Variants in PTCHD1 observed in about 807,000 individuals in gnomAD.
The protein encoded by PTCHD1 is patched domain containing 1.
Under a neutral mutation model 34.6 loss-of-function variants are expected in PTCHD1, and 3 were observed. The observed-to-expected ratio is 0.09, with a 90% CI of 0.04 to 0.22. The LOEUF (loss-of-function observed/expected upper bound fraction) is 0.22, where lower values mean the gene tolerates loss of function less well. Among genes scored for constraint, PTCHD1 ranks in the 10% least tolerant of loss-of-function variants. The pLI, the probability that PTCHD1 is intolerant of heterozygous loss-of-function variation, is 1.00. For missense variants in PTCHD1, 504 were observed against 685.5 expected (o/e 0.74, Z 2.96); for synonymous variants, 305 against 283.1 (o/e 1.08, Z -0.77).
rs539740752 is a variant in PTCHD1, at chrX:23,381,329, G to A, written c.1012+1078G>A. Among the ~76,000 whole-genome samples, 8 of 112,501 alleles carry A rather than the reference G, an allele frequency of 7.1e-5. No individual in the cohort carries two copies. The East Asian group carries it at 1.4e-3, about 20-fold the overall frequency. On this transcript the variant is annotated intron_variant, in intron 2 of 2. Coordinates refer to ENST00000379361, the MANE Select transcript of PTCHD1 (RefSeq NM_173495.3). ...AATGGCATGCCCAGCAAGCCTGATG[G>A]CAGGGTTCTTGCGGGCCAAGGATTC...
rs1167274158 is a variant in PTCHD1 at position 23,400,253 on chromosome X, C to CG, written c.*6071dup. 2 of 111,754 alleles carry CG rather than the reference C, an allele frequency of 1.8e-5. No homozygotes were observed. The highest frequency in any genetic ancestry group is 6.5e-5 in the African/African-American group (2 of 30,611). The allele number at this position is 111,754 out of a possible 1,213,427, so 9.2% of individuals were successfully genotyped here. ...ATCCCAGCACTTTGGGAGGCGGAGG[C>CG]GGGCAGATCACGAGGTTAAGAGATT... On this transcript the variant is annotated 3_prime_UTR_variant, in exon 3 of 3. Transcript: ENST00000379361.
intron 1 of PTCHD1, among the ~76,000 whole-genome samples, chrX:23,369,519 G>C (rs1285499938): frequency 9.0e-6 from 1 of 111,488 alleles, no homozygotes; most frequent in Non-Finnish European, 1.9e-5. Context: ...TTGTGGCCAT[G>C]GACAAGTTAT....
At chrX:23,364,288 T>A (rs1477529072) in intron 1 of PTCHD1, among the ~76,000 whole-genome samples, 1 of 110,219 alleles carries the variant, frequency 9.1e-6, no homozygotes, top group Non-Finnish European at 1.9e-5. Context: ...TATGTGTATC[T>A]ATATATAAAA....
At chrX:23,363,851 A>G (rs1922061108) in intron 1 of PTCHD1, among the ~76,000 whole-genome samples, 1 of 112,774 alleles carries the variant, frequency 8.9e-6, no homozygotes, top group Non-Finnish European at 1.9e-5. Flanking sequence ...ACCACTATGT[A>G]CACCTGAGAG....
chrX:23,381,884 G>A (rs2146643589), intron 2 of PTCHD1, among the ~76,000 whole-genome samples: 1 of 112,143 alleles, frequency 8.9e-6, no homozygotes, highest in South Asian at 3.7e-4. Context: ...TCCTTGAAGA[G>A]TGAGTAGGAC....
In PTCHD1 at chrX:23,399,871, C is replaced by T. The variant is rs1923077289; in HGVS notation, c.*5686C>T. 9.0e-6 allele frequency: 1 copy of T among 111,464 alleles called. No homozygotes were observed. Among genetic ancestry groups the T allele is most frequent in the African/African-American group, 3.3e-5 (1 of 30,653 alleles). 9.2% of individuals were successfully genotyped at this position (111,464 alleles called of 1,213,427 possible). A position where few individuals can be genotyped will look rare whatever the true frequency, so the allele number is the denominator to read the frequency against. On this transcript the variant is annotated 3_prime_UTR_variant, in exon 3 of 3. Coordinates refer to ENST00000379361, the MANE Select transcript of PTCHD1 (RefSeq NM_173495.3). Reference sequence around the variant, plus strand: ...TATATAGCCTCAAATTTTCAGTAACCATCCCACACACACATACACACATAA... The same window carrying T: ...TATATAGCCTCAAATTTTCAGTAACTATCCCACACACACATACACACATAA...
At chrX:23,334,845 C>A (rs1483225390), upstream of PTCHD1, 1 of 1,056,492 alleles carries the variant, frequency 9.5e-7, no homozygotes. Flanking sequence ...GCGTGCGCCT[C>A]GCCCTCCTCC....
intron 1 of PTCHD1, among the ~76,000 whole-genome samples, chrX:23,371,644 G>T (rs1387452548): frequency 9.0e-6 from 1 of 110,916 alleles, no homozygotes; most frequent in Admixed American, 9.6e-5. Flanking sequence ...GCAGGGCCCA[G>T]CTGTGTTATG....
At chrX:23,338,442 A>T (rs769144218) in intron 1 of PTCHD1, among the ~76,000 whole-genome samples, 2 of 112,409 alleles carry the variant, frequency 1.8e-5, no homozygotes, top group South Asian at 7.5e-4. Context: ...TTGATAATTG[A>T]TCCAGGCTGT....
At chrX:23,351,350 C>T (rs767041219) in intron 1 of PTCHD1, 38 of 811,443 alleles carry the variant, frequency 4.7e-5, no homozygotes, top group Admixed American at 1.6e-4. Context: ...GCCCAGATGA[C>T]ACCAAGCCTA....
Position 23,394,152 on chromosome X carries a change from T to TA in PTCHD1, c.2635dup (p.Thr879AsnfsTer5). 8.3e-7 allele frequency: 1 copy of TA among 1,207,307 alleles called. No individual in the cohort carries two copies. Among genetic ancestry groups the TA allele is most frequent in the Non-Finnish European group, 1.1e-6 (1 of 892,124 alleles). ...GTGTAGAAATGGTAGATATCGATAG[T>TA]ACCCGTGTGGTTGACCAAATTACAA... On this transcript the variant is annotated frameshift_variant, in exon 3 of 3. Coordinates refer to ENST00000379361, the MANE Select transcript of PTCHD1 (RefSeq NM_173495.3). LOFTEE classifies it high-confidence loss of function.
rs142123920 is a variant in PTCHD1 at position 23,354,496 on chromosome X, AATATATAT to A, written c.351+19288_351+19295del. Among the ~76,000 whole-genome samples the A allele has an allele frequency of 1.8e-3, 177 of 95,776 alleles. 1 individual carries two copies. Among genetic ancestry groups the A allele is most frequent in the Admixed American group, 3.1e-3 (27 of 8,681 alleles). 83.2% of individuals were successfully genotyped at this position (95,776 alleles called of 115,157 possible). A position where few individuals can be genotyped will look rare whatever the true frequency, so the allele number is the denominator to read the frequency against. ...TCAATCCCAAAATTTGAAGTACACA[AATATATAT>A]ATATATATATATATATAAAGAAATC... is the stretch of plus-strand genomic sequence containing the variant. On this transcript the variant is annotated intron_variant, in intron 1 of 2. Coordinates refer to ENST00000379361, the MANE Select transcript of PTCHD1 (RefSeq NM_173495.3).
intron 1 of PTCHD1, among the ~76,000 whole-genome samples, chrX:23,369,538 C>CT (rs1922225960): frequency 9.0e-6 from 1 of 111,568 alleles, no homozygotes; most frequent in African/African-American, 3.3e-5. Flanking sequence ...ATTTAAGCTC[C>CT]TAGAGGCTCA....
chrX:23,363,420 G>C (rs773885084), intron 1 of PTCHD1, among the ~76,000 whole-genome samples: 15 of 113,112 alleles, frequency 1.3e-4, no homozygotes, highest in African/African-American at 4.8e-4. Flanking sequence ...TGCTGTGCTA[G>C]CAGTGAGCAA....
chrX:23,403,873 G>A lies in PTCHD1; in HGVS notation c.*9688G>A, dbSNP rs187095402. ...TTAAAAAATCAAGGTAATAAAAAAC[G>A]GCCAACTCTTTCAGGAAAAAAAAAA... is the stretch of plus-strand genomic sequence containing the variant. On this transcript the variant is annotated 3_prime_UTR_variant, in exon 3 of 3. Coordinates refer to ENST00000379361, the MANE Select transcript of PTCHD1 (RefSeq NM_173495.3). The A allele has an allele frequency of 3.7e-4, 41 of 111,069 alleles. No individual in the cohort carries two copies. Among genetic ancestry groups the A allele is most frequent in the African/African-American group, 1.2e-3 (38 of 30,565 alleles). 9.2% of individuals were successfully genotyped at this position (111,069 alleles called of 1,213,427 possible).
intron 1 of PTCHD1, among the ~76,000 whole-genome samples, chrX:23,344,470 AC>A (rs1921422809): frequency 8.9e-6 from 1 of 112,336 alleles, no homozygotes; most frequent in Non-Finnish European, 1.9e-5. Context: ...GTTGAGTAAT[AC>A]ACATGTAGCC....
At chrX:23,371,328 AGAG>A (rs1569138178) in intron 1 of PTCHD1, among the ~76,000 whole-genome samples, 1 of 112,026 alleles carries the variant, frequency 8.9e-6, no homozygotes, top group Non-Finnish European at 1.9e-5. Context: ...AGCACTGAGA[AGAG>A]AACAGCATCA....
Position 23,393,459 on chromosome X carries a change from G to A in PTCHD1, c.1941G>A (p.Met647Ile). Residue 647 changes from methionine (M) to isoleucine (I), a missense_variant, in exon 3 of 3, where the codon ATG (methionine) becomes ATA (isoleucine). By Grantham distance (10) the Met-to-Ile change is conservative. Coordinates refer to ENST00000379361, the MANE Select transcript of PTCHD1 (RefSeq NM_173495.3). ...NDEVDVVASR[M>I]FLVAKTMETN... ...AGGTCGATGTAGTGGCCTCCAGAAT[G>A]TTTTTGGTGGCCAAGACCATGGAAA... 1 of 1,209,012 alleles carries A rather than the reference G, an allele frequency of 8.3e-7. No individual in the cohort carries two copies. The highest frequency in any genetic ancestry group is 2.2e-5 in the Admixed American group (1 of 46,061).
chrX:23,364,903 T>G (rs1421822332), intron 1 of PTCHD1, among the ~76,000 whole-genome samples: 1 of 112,437 alleles, frequency 8.9e-6, no homozygotes, highest in Non-Finnish European at 1.9e-5. Context: ...GCCAAACAAA[T>G]GCCTGCTTCC....
Sources: allele counts gnomAD v4.1 joint callset (sites outside exome capture counted in the v4.1 genomes callset), GRCh38; gene constraint gnomAD v4.1.1; transcripts MANE v1.5; gene names NCBI Gene and HGNC (gene_info 2026-07-23, HGNC 2026-07-21).